The following SLC35F4 variants were observed in gnomAD, a reference collection of about 807,000 sequenced individuals.
The protein encoded by SLC35F4 is chromosome 14 open reading frame 36.
SLC35F4 carries 24 observed loss-of-function variants against 44.2 expected under a neutral mutation model. The ratio of observed to expected loss-of-function variants is 0.54; its 90% CI spans 0.39 to 0.76. The LOEUF is 0.76. Ranked by LOEUF, SLC35F4 falls within the 30% of genes least tolerant of loss-of-function variation. SLC35F4 has a pLI of 0.00. For missense variants in SLC35F4, 562 were observed against 586.1 expected, an observed-to-expected ratio of 0.96 and a Z score of 0.42; for synonymous variants, 238 against 223.6, an observed-to-expected ratio of 1.06 and a Z score of -0.57.
At chr14:57,703,433 T>C (rs1471594034) in intron 1 of SLC35F4, among the ~76,000 whole-genome samples, 1 of 152,182 alleles carries the variant, frequency 6.6e-6, no homozygotes, top group Non-Finnish European at 1.5e-5. Flanking sequence ...AACATGCTGC[T>C]CCCAAGAGGC....
chr14:57,709,887 G>C (rs1188725126), intron 1 of SLC35F4, among the ~76,000 whole-genome samples: 2 of 152,166 alleles, frequency 1.3e-5, no homozygotes, highest in African/African-American at 2.4e-5. Context: ...TTAAAGGGAA[G>C]CAGAACATAA....
intron 1 of SLC35F4, among the ~76,000 whole-genome samples, chr14:57,756,865 T>C (rs1295371887): frequency 6.6e-6 from 1 of 151,966 alleles, no homozygotes; most frequent in Non-Finnish European, 1.5e-5. Context: ...TTTCACCATG[T>C]TGCCCAAGCT....
intron 1 of SLC35F4, among the ~76,000 whole-genome samples, chr14:57,618,499 C>T (rs1329265477): frequency 1.3e-5 from 2 of 152,212 alleles, no homozygotes; most frequent in Admixed American, 1.3e-4. Context: ...GAACGGTGCA[C>T]TCTGGCCCAG....
At chr14:57,961,483 G>A (rs778125098) in intron 1 of SLC35F4, among the ~76,000 whole-genome samples, 2 of 152,098 alleles carry the variant, frequency 1.3e-5, no homozygotes, top group Non-Finnish European at 2.9e-5. Flanking sequence ...CTGCATCCAT[G>A]CTTGTCCCTG....
chr14:57,839,237 A>T (rs1444675400), intron 1 of SLC35F4, among the ~76,000 whole-genome samples: 1 of 152,154 alleles, frequency 6.6e-6, no homozygotes, highest in African/African-American at 2.4e-5. Context: ...GCACCAAGAT[A>T]GGTCAAATAT....
intron 1 of SLC35F4, among the ~76,000 whole-genome samples, chr14:57,911,917 C>A (rs773655271): frequency 2.0e-5 from 3 of 151,860 alleles, no homozygotes; most frequent in Non-Finnish European, 4.4e-5. Context: ...CTAATGCTTT[C>A]TATTTTGGAA....
intron 1 of SLC35F4, among the ~76,000 whole-genome samples, chr14:57,832,553 T>C (rs1884486431): frequency 6.6e-6 from 1 of 152,216 alleles, no homozygotes; most frequent in South Asian, 2.1e-4. Flanking sequence ...TTAATTTGCT[T>C]TATGACAGGA....
intron 1 of SLC35F4, among the ~76,000 whole-genome samples, chr14:57,871,666 T>C (rs1004787325): frequency 6.6e-6 from 1 of 152,230 alleles, no homozygotes; most frequent in African/African-American, 2.4e-5. Context: ...TCCCCCATTT[T>C]AGGCATACCA....
chr14:57,652,626 G>A (rs2073826009), intron 1 of SLC35F4, among the ~76,000 whole-genome samples: 1 of 151,734 alleles, frequency 6.6e-6, no homozygotes. Context: ...GCAGAGGATA[G>A]TAACCCCCAC....
chr14:57,763,755 T>C (rs1324978891), intron 1 of SLC35F4, among the ~76,000 whole-genome samples: 2 of 152,216 alleles, frequency 1.3e-5, no homozygotes, highest in African/African-American at 2.4e-5. Flanking sequence ...TTCCATATTA[T>C]GGTAGCTTGT....
chr14:57,694,261 T>C (rs1470243214), intron 1 of SLC35F4, among the ~76,000 whole-genome samples: 1 of 152,202 alleles, frequency 6.6e-6, no homozygotes, highest in Non-Finnish European at 1.5e-5. Flanking sequence ...ATTGACTAGC[T>C]TTGCTTCGTT....
At chr14:57,747,777 T>C (rs1001393873) in intron 1 of SLC35F4, among the ~76,000 whole-genome samples, 5 of 152,192 alleles carry the variant, frequency 3.3e-5, no homozygotes, top group Admixed American at 6.5e-5. Context: ...TCCAACTACT[T>C]TTTGCATAAT....
intron 1 of SLC35F4, among the ~76,000 whole-genome samples, chr14:57,687,119 C>G (rs540004625): frequency 6.6e-6 from 1 of 152,266 alleles, no homozygotes; most frequent in South Asian, 2.1e-4. Flanking sequence ...AACCAACTTG[C>G]TGACACCTTG....
At chr14:57,952,002 C>T (rs946467685) in intron 1 of SLC35F4, among the ~76,000 whole-genome samples, 1 of 152,226 alleles carries the variant, frequency 6.6e-6, no homozygotes, top group Non-Finnish European at 1.5e-5. Flanking sequence ...AAACACCTCC[C>T]AGCAGGGGTC....
chr14:57,752,794 C>CT (rs2076916002), intron 1 of SLC35F4, among the ~76,000 whole-genome samples: 1 of 152,140 alleles, frequency 6.6e-6, no homozygotes, highest in Non-Finnish European at 1.5e-5. Flanking sequence ...CCAAAATGGT[C>CT]TTCACCCATG....
intron 2 of SLC35F4, among the ~76,000 whole-genome samples, chr14:57,593,472 T>G (rs932477259): frequency 1.3e-5 from 2 of 152,132 alleles, no homozygotes; most frequent in Non-Finnish European, 2.9e-5. Flanking sequence ...CAGTGAAGTC[T>G]CCTGCAGAAA....
At chr14:57,953,899 C>T (rs1019925601) in intron 1 of SLC35F4, among the ~76,000 whole-genome samples, 5 of 152,274 alleles carry the variant, frequency 3.3e-5, no homozygotes, top group Middle Eastern at 3.4e-3. Context: ...ACATTCAGGA[C>T]TTGAATGCAA....
chr14:57,566,705 G>A, intron 6 of SLC35F4, 141 bp from the exon 7 acceptor site: 1 of 755,228 alleles, frequency 1.3e-6, no homozygotes, highest in Non-Finnish European at 2.2e-6. Context: ...TTTGGAGATG[G>A]ATGCATGTGT....
At chr14:57,909,492 A>G (rs1595282809) in intron 1 of SLC35F4, among the ~76,000 whole-genome samples, 2 of 150,624 alleles carry the variant, frequency 1.3e-5, no homozygotes, top group South Asian at 4.2e-4. Context: ...TCCTTTTCCT[A>G]TCTCCACGGT....
Sources: allele counts gnomAD v4.1 joint callset (sites outside exome capture counted in the v4.1 genomes callset), GRCh38; gene constraint gnomAD v4.1.1; transcripts MANE v1.5; gene names NCBI Gene and HGNC (gene_info 2026-07-23, HGNC 2026-07-21).